Variants in EHF observed in about 807,000 individuals in gnomAD.
EHF encodes the protein ETS homologous factor, also known as ESE3 transcription factor.
In EHF, 14 loss-of-function variants were observed where a neutral mutation model predicts 45.1. That is an observed-to-expected ratio of 0.31 (90% CI 0.21 to 0.49). EHF has a LOEUF of 0.49. EHF is among the 20% of genes least tolerant of loss of function. The probability of loss-of-function intolerance (pLI) is 0.99; values close to 1 mark genes in which losing one functional copy is unlikely to be tolerated. For synonymous variants in EHF, 136 were observed against 131.8 expected (o/e 1.03, Z -0.22); for missense variants, 282 against 371.4 (o/e 0.76, Z 1.98).
chr11:34,646,361 C>T, intron 2 of EHF, 78 bp from the exon 3 acceptor site: 1 of 1,588,430 alleles, frequency 6.3e-7, no homozygotes. Flanking sequence ...ATCTGGCAGC[C>T]AACAGTACAT....
intron 1 of EHF, among the ~76,000 whole-genome samples, chr11:34,633,609 G>T (rs1237706435): frequency 1.3e-5 from 2 of 152,152 alleles, no homozygotes; most frequent in African/African-American, 4.8e-5. Flanking sequence ...TACAGTGATA[G>T]GTTGTCCACA....
intron 1 of EHF, among the ~76,000 whole-genome samples, chr11:34,627,551 T>A (rs1852488536): frequency 6.6e-6 from 1 of 152,062 alleles, no homozygotes; most frequent in Non-Finnish European, 1.5e-5. Context: ...GGAAAAAAAA[T>A]TCTACTTACT....
chr11:34,640,015 T>C (rs986827110), intron 1 of EHF, among the ~76,000 whole-genome samples: 6 of 148,796 alleles, frequency 4.0e-5, no homozygotes, highest in African/African-American at 1.5e-4. Flanking sequence ...GCAACATTTA[T>C]TAAATTCTTT....
chr11:34,630,330 T>G (rs556489017), intron 1 of EHF, among the ~76,000 whole-genome samples: 6 of 152,318 alleles, frequency 3.9e-5, no homozygotes, highest in African/African-American at 1.4e-4. Flanking sequence ...AACCTCTCTC[T>G]GTAAAATGGT....
At chr11:34,622,852 C>T (rs556864940) in intron 1 of EHF, among the ~76,000 whole-genome samples, 3 of 152,216 alleles carry the variant, frequency 2.0e-5, no homozygotes, top group South Asian at 4.2e-4. Context: ...AATACTTCAC[C>T]GTGTTTCCAA....
chr11:34,625,981 G>C (rs10836266), intron 1 of EHF, among the ~76,000 whole-genome samples: 78,009 of 152,018 alleles, frequency 0.51, 21,388 homozygotes, highest in Non-Finnish European at 0.61. Flanking sequence ...TTAAAACAAA[G>C]CCAAAAATAA....
chr11:34,658,764 G>T, intron 8 of EHF, 36 bp downstream of exon 8: 1 of 1,608,932 alleles, frequency 6.2e-7, no homozygotes, highest in East Asian at 2.2e-5. Context: ...CAAAAAGGCT[G>T]TACGACCCAT....
chr11:34,635,500 G>A (rs2134041392), intron 1 of EHF, among the ~76,000 whole-genome samples: 1 of 127,276 alleles, frequency 7.9e-6, no homozygotes, highest in Non-Finnish European at 1.6e-5. Flanking sequence ...TGCCCAGGCT[G>A]GAGTACAATG....
intron 1 of EHF, 139 bp from the exon 2 acceptor site, chr11:34,642,489 C>T (rs1854107086): frequency 6.9e-6 from 4 of 578,330 alleles, no homozygotes; most frequent in Non-Finnish European, 1.2e-5. Context: ...ACAAAAAACG[C>T]TTTGGCAATG....
chr11:34,654,579 G>A (rs1457892328), intron 6 of EHF, among the ~76,000 whole-genome samples: 1 of 152,062 alleles, frequency 6.6e-6, no homozygotes, highest in African/African-American at 2.4e-5. Flanking sequence ...TCCTAGCTGG[G>A]TGGAGCCTAG....
At chr11:34,639,644 CCTT>C (rs1460881767) in intron 1 of EHF, among the ~76,000 whole-genome samples, 1 of 152,264 alleles carries the variant, frequency 6.6e-6, no homozygotes, top group Non-Finnish European at 1.5e-5. Context: ...GAAATGCTGA[CCTT>C]CTTTGCTTAC....
chr11:34,638,220 T>A (rs536478646), intron 1 of EHF, among the ~76,000 whole-genome samples: 4 of 152,218 alleles, frequency 2.6e-5, no homozygotes, highest in Admixed American at 2.6e-4. Flanking sequence ...CTCTTTGAGT[T>A]TGAAATAAGA....
intron 1 of EHF, chr11:34,632,762 A>T: frequency 1.5e-6 from 2 of 1,324,584 alleles, no homozygotes; most frequent in Non-Finnish European, 2.1e-6. Flanking sequence ...GGAAGGAGCC[A>T]CTATTATTTT....
intron 6 of EHF, among the ~76,000 whole-genome samples, chr11:34,652,398 C>T (rs866503343): frequency 1.8e-4 from 27 of 152,220 alleles, no homozygotes; most frequent in African/African-American, 5.3e-4. Context: ...TTTGGTTAAG[C>T]TTGGATGCAA....
At chr11:34,630,789 C>T (rs16925936) in intron 1 of EHF, among the ~76,000 whole-genome samples, 3,947 of 152,202 alleles carry the variant, frequency 0.026, 165 homozygotes, top group African/African-American at 0.09. Flanking sequence ...TGCCTGGGAA[C>T]GCTCAGTCAG....
chr11:34,648,010 C>A (rs1416796909), intron 3 of EHF, among the ~76,000 whole-genome samples: 1 of 152,184 alleles, frequency 6.6e-6, no homozygotes, highest in Non-Finnish European at 1.5e-5. Flanking sequence ...GTGCTGTGGC[C>A]ATCTTAGACC....
intron 1 of EHF, among the ~76,000 whole-genome samples, chr11:34,624,082 G>A (rs1278858572): frequency 6.6e-6 from 1 of 152,162 alleles, no homozygotes; most frequent in Non-Finnish European, 1.5e-5. Flanking sequence ...TGGTTTTAAG[G>A]AACTCAATCT....
intron 3 of EHF, among the ~76,000 whole-genome samples, chr11:34,647,595 G>A (rs1854693405): frequency 6.6e-6 from 1 of 152,218 alleles, no homozygotes; most frequent in South Asian, 2.1e-4. Flanking sequence ...GTCTGCACTG[G>A]AAAAGGCATT....
chr11:34,624,040 G>A (rs1852164602), intron 1 of EHF, among the ~76,000 whole-genome samples: 1 of 152,228 alleles, frequency 6.6e-6, no homozygotes, highest in Non-Finnish European at 1.5e-5. Flanking sequence ...TCCCGTGGCA[G>A]AATCTGCTAA....
Sources: gnomAD v4.1 joint callset for allele counts (sites outside exome capture counted in the v4.1 genomes callset) on GRCh38, gnomAD v4.1.1 for gene constraint, MANE v1.5 for transcripts, NCBI Gene and HGNC (gene_info 2026-07-23, HGNC 2026-07-21) for gene names.